TRIM16: variants seen among roughly 807,000 people sequenced by gnomAD.
The protein encoded by TRIM16 is tripartite motif containing 16, also known as tripartite motif-containing protein 16.
In TRIM16, 33 loss-of-function variants were observed where a neutral mutation model predicts 50.4. That is an observed-to-expected ratio of 0.65 (90% CI 0.50 to 0.88). The LOEUF is 0.88. Ranked by LOEUF, TRIM16 falls within the 40% of genes least tolerant of loss-of-function variation. TRIM16 has a pLI of 0.00. For missense variants in TRIM16, 581 were observed against 686.8 expected, an observed-to-expected ratio of 0.85 and a Z score of 1.72; for synonymous variants, 229 against 270.7, an observed-to-expected ratio of 0.85 and a Z score of 1.51.
intron 1 of TRIM16, chr17:15,683,736 C>G (rs1016655050): frequency 3.2e-5 from 5 of 154,464 alleles, no homozygotes; most frequent in Admixed American, 6.4e-5. Context: ...GAGTAACCTG[C>G]CTACGCTCAC....
intron 7 of TRIM16, among the ~76,000 whole-genome samples, chr17:15,650,701 A>G (rs1335228012): frequency 1.3e-5 from 2 of 152,196 alleles, no homozygotes; most frequent in South Asian, 2.1e-4. Context: ...TCATTAATTG[A>G]CAATGGATGT....
At chr17:15,652,406 G>A (rs1218909503) in intron 6 of TRIM16, among the ~76,000 whole-genome samples, 1 of 125,838 alleles carries the variant, frequency 7.9e-6, no homozygotes, top group Non-Finnish European at 1.6e-5. Flanking sequence ...TGATCCACCC[G>A]CCTCGGCCTC....
intron 7 of TRIM16, among the ~76,000 whole-genome samples, chr17:15,645,649 G>C (rs1987335953): frequency 6.6e-6 from 1 of 152,066 alleles, no homozygotes; most frequent in Admixed American, 6.5e-5. Flanking sequence ...TGCCCTAATA[G>C]AACTCAGAGA....
intron 6 of TRIM16, among the ~76,000 whole-genome samples, chr17:15,673,409 C>T (rs1988798843): frequency 6.6e-6 from 1 of 152,136 alleles, no homozygotes; most frequent in Non-Finnish European, 1.5e-5. Flanking sequence ...TGTACTAACA[C>T]CGACTTCTTT....
At chr17:15,657,225 C>T (rs2150924242) in intron 6 of TRIM16, among the ~76,000 whole-genome samples, 1 of 151,992 alleles carries the variant, frequency 6.6e-6, no homozygotes, top group African/African-American at 2.4e-5. Context: ...GTTATGTTGC[C>T]CAGGCTGGGT....
intron 6 of TRIM16, among the ~76,000 whole-genome samples, chr17:15,658,269 G>A: frequency 6.6e-6 from 1 of 152,148 alleles, no homozygotes; most frequent in East Asian, 1.9e-4. Flanking sequence ...TCATTCTCAG[G>A]ACTCTAGGTT....
At chr17:15,669,898 A>G (rs1024217408) in intron 6 of TRIM16, among the ~76,000 whole-genome samples, 1 of 151,658 alleles carries the variant, frequency 6.6e-6, no homozygotes, top group Non-Finnish European at 1.5e-5. Flanking sequence ...TGCCAGTAAC[A>G]CCCCCTCCCC....
intron 9 of TRIM16, among the ~76,000 whole-genome samples, chr17:15,635,013 T>C (rs1416500501): frequency 6.7e-6 from 1 of 149,292 alleles, no homozygotes; most frequent in Non-Finnish European, 1.5e-5. Flanking sequence ...TTTTTGTCTG[T>C]CTTTCTCTTT....
chr17:15,650,539 G>C (rs560979955), intron 7 of TRIM16, among the ~76,000 whole-genome samples: 5 of 152,130 alleles, frequency 3.3e-5, no homozygotes, highest in Non-Finnish European at 7.3e-5. Context: ...CTGGACCTAA[G>C]TTTCAAATTC....
intron 7 of TRIM16, among the ~76,000 whole-genome samples, chr17:15,645,895 G>A (rs1427757801): frequency 1.3e-5 from 2 of 152,206 alleles, no homozygotes; most frequent in Non-Finnish European, 2.9e-5. Context: ...TGGCCTATTT[G>A]GGGGCAATCC....
intron 7 of TRIM16, among the ~76,000 whole-genome samples, chr17:15,645,565 G>T (rs1041800181): frequency 6.9e-5 from 10 of 144,792 alleles, no homozygotes; most frequent in African/African-American, 2.4e-4. Flanking sequence ...TATACAAAAA[G>T]AAAAAGAAAA....
intron 3 of TRIM16, chr17:15,681,327 A>G (rs1026367889): frequency 2.5e-5 from 4 of 160,794 alleles, no homozygotes; most frequent in African/African-American, 9.6e-5. Flanking sequence ...ATTTTGTAGA[A>G]CAAGAAAAAG....
At chr17:15,646,393 A>G (rs1322973882) in intron 7 of TRIM16, among the ~76,000 whole-genome samples, 2 of 140,580 alleles carry the variant, frequency 1.4e-5, no homozygotes, top group Non-Finnish European at 3.0e-5. Context: ...CAGAAGCGGG[A>G]CTGTGGTGCC....
At chr17:15,666,330 C>A (rs1988499849) in intron 6 of TRIM16, among the ~76,000 whole-genome samples, 1 of 152,300 alleles carries the variant, frequency 6.6e-6, no homozygotes, top group Admixed American at 6.5e-5. Context: ...GATCCTTTTG[C>A]CTTGGCCTCC....
chr17:15,661,871 C>T (rs1009416174), intron 6 of TRIM16, among the ~76,000 whole-genome samples: 1 of 152,146 alleles, frequency 6.6e-6, no homozygotes, highest in African/African-American at 2.4e-5. Context: ...TAATTAACTC[C>T]TTCTCTCAGG....
Position 15,646,991 on chromosome 17 carries a change from G to A in TRIM16, c.519+4100C>T, listed in dbSNP as rs185409877. Among the ~76,000 whole-genome samples, 27 of 151,206 alleles carry A rather than the reference G, an allele frequency of 1.8e-4. No homozygotes were observed. In the East Asian group the frequency reaches 5.2e-3, roughly 29 times the overall value. Reference sequence around the variant, plus strand: ...ATTCTTTTTTTTTTTTTTTGAGATGGAGTCTTGCTCTGTCACCCAGGCTGG... The same window carrying A: ...ATTCTTTTTTTTTTTTTTTGAGATGAAGTCTTGCTCTGTCACCCAGGCTGG... On this transcript the variant is annotated intron_variant, in intron 7 of 11. Transcript: ENST00000649191.
chr17:15,638,686 TC>T (rs1379462008), intron 8 of TRIM16, among the ~76,000 whole-genome samples: 1 of 148,074 alleles, frequency 6.8e-6, no homozygotes, highest in Non-Finnish European at 1.5e-5. Flanking sequence ...CAGGGGCACC[TC>T]CCATCCCTGG....
At chr17:15,646,742 C>T (rs1987399667) in intron 7 of TRIM16, among the ~76,000 whole-genome samples, 2 of 151,472 alleles carry the variant, frequency 1.3e-5, no homozygotes, top group Non-Finnish European at 2.9e-5. Context: ...CTTTGTATTC[C>T]AAGCACACAG....
chr17:15,663,208 CAGT>C (rs1184578461), intron 6 of TRIM16, among the ~76,000 whole-genome samples: 6 of 152,084 alleles, frequency 3.9e-5, no homozygotes, highest in African/African-American at 1.5e-4. Context: ...CCATTTGTCC[CAGT>C]CTGGCCTGGC....
Sources: allele counts gnomAD v4.1 joint callset (sites outside exome capture counted in the v4.1 genomes callset), GRCh38; gene constraint gnomAD v4.1.1; transcripts MANE v1.5; gene names NCBI Gene and HGNC (gene_info 2026-07-23, HGNC 2026-07-21).